TINAG: variants seen among roughly 807,000 people sequenced by gnomAD.
The protein encoded by TINAG is tubulointerstitial nephritis antigen.
Under a neutral mutation model 72.7 loss-of-function variants are expected in TINAG, and 83 were observed. That is an observed-to-expected ratio of 1.14 (90% CI 0.96 to 1.37). The LOEUF is 1.37. TINAG is among the 40% of genes most tolerant of loss of function. The pLI is 0.00. For synonymous variants in TINAG, 234 were observed against 189.9 expected, an observed-to-expected ratio of 1.23 and a Z score of -1.91; for missense variants, 685 against 576.6, an observed-to-expected ratio of 1.19 and a Z score of -1.93.
At chr6:54,364,874 AT>A (rs911265044) in intron 9 of TINAG, among the ~76,000 whole-genome samples, 1 of 151,344 alleles carries the variant, frequency 6.6e-6, no homozygotes, top group African/African-American at 2.4e-5. Context: ...ATTTTAATGT[AT>A]TTTTACCATA....
intron 1 of TINAG, among the ~76,000 whole-genome samples, chr6:54,319,749 A>G (rs182470721): frequency 6.6e-6 from 1 of 152,250 alleles, no homozygotes; most frequent in Admixed American, 6.5e-5. Context: ...ATTTTGTTTA[A>G]TTAGAGGCCA....
intron 4 of TINAG, among the ~76,000 whole-genome samples, chr6:54,327,448 C>T (rs868478177): frequency 6.6e-6 from 1 of 152,150 alleles, no homozygotes; most frequent in African/African-American, 2.4e-5. Flanking sequence ...CCATGGTCTT[C>T]GCAATCCGCA....
chr6:54,315,831 T>C (rs979468824), intron 1 of TINAG, among the ~76,000 whole-genome samples: 1 of 152,192 alleles, frequency 6.6e-6, no homozygotes, highest in Non-Finnish European at 1.5e-5. Flanking sequence ...TGAACAGACC[T>C]AAGTTGATTT....
rs543171752 is a variant in TINAG, at chr6:54,317,578, T to G, written c.356-3001T>G. Among the ~76,000 whole-genome samples, 5 of 152,248 alleles carry G rather than the reference T, an allele frequency of 3.3e-5. No homozygotes were observed. The South Asian group carries it at 1.0e-3, about 32-fold the overall frequency. On this transcript the variant is annotated intron_variant, in intron 1 of 10. Coordinates refer to ENST00000259782, the MANE Select transcript of TINAG (RefSeq NM_014464.4). ...CTCCTCAGCCATGTGGAACTGTGAG[T>G]CTATTAAACCTCTTTCTTTTGTAAA...
upstream of TINAG, chr6:54,308,211 C>G: frequency 7.8e-7 from 1 of 1,279,232 alleles, no homozygotes. Context: ...ATTTAAGAAC[C>G]TAGATTTTTT....
chr6:54,349,176 T>C (rs1196739387), intron 6 of TINAG, among the ~76,000 whole-genome samples: 2 of 151,768 alleles, frequency 1.3e-5, no homozygotes, highest in African/African-American at 4.8e-5. Context: ...TCCCTCAAAG[T>C]ATCACGAACT....
chr6:54,360,557 T>C (rs138723570), intron 9 of TINAG, among the ~76,000 whole-genome samples: 126 of 151,764 alleles, frequency 8.3e-4, no homozygotes, highest in African/African-American at 2.9e-3. Flanking sequence ...TTGCCCTGTG[T>C]CCCTGTCCAT....
At chr6:54,376,791 T>C (rs1439693486) in intron 9 of TINAG, among the ~76,000 whole-genome samples, 1 of 152,118 alleles carries the variant, frequency 6.6e-6, no homozygotes, top group East Asian at 1.9e-4. Context: ...ATAAAGACTT[T>C]TCATATATAT....
intron 2 of TINAG, among the ~76,000 whole-genome samples, chr6:54,320,982 G>T (rs1784477799): frequency 6.6e-6 from 1 of 152,096 alleles, no homozygotes; most frequent in African/African-American, 2.4e-5. Flanking sequence ...AAAACAGGCT[G>T]CTTTAAAAGG....
chr6:54,322,971 T>C (rs1356855941), intron 3 of TINAG, among the ~76,000 whole-genome samples: 2 of 152,184 alleles, frequency 1.3e-5, no homozygotes, highest in Non-Finnish European at 2.9e-5. Flanking sequence ...CATGAGAAAC[T>C]ATAGTCTAAA....
intron 9 of TINAG, 29 bp downstream of exon 9, chr6:54,354,665 T>A (rs1396891585): frequency 1.3e-6 from 2 of 1,598,060 alleles, no homozygotes; most frequent in African/African-American, 2.7e-5. Context: ...ATTCATTTAA[T>A]TCTTTTGGAA....
chr6:54,330,352 A>G (rs1784708305), intron 4 of TINAG, among the ~76,000 whole-genome samples: 1 of 152,250 alleles, frequency 6.6e-6, no homozygotes, highest in Admixed American at 6.5e-5. Context: ...TTCCTGAATG[A>G]CTACTGGGTA....
chr6:54,323,213 T>C (rs1784531163), intron 3 of TINAG, among the ~76,000 whole-genome samples: 1 of 151,786 alleles, frequency 6.6e-6, no homozygotes, highest in South Asian at 2.1e-4. Context: ...TTTAAAAGAG[T>C]AGAAAGTGAA....
rs777567768 is a variant in TINAG at position 54,308,518 on chromosome 6, C to T, written c.-33C>T. 15 of 1,560,982 alleles carry T rather than the reference C, an allele frequency of 9.6e-6. No individual in the cohort carries two copies. Among genetic ancestry groups the T allele is most frequent in the African/African-American group, 5.5e-5 (4 of 73,052 alleles). On this transcript the variant is annotated 5_prime_UTR_variant, in exon 1 of 11. It adds an upstream start codon to the 5' untranslated region. Coordinates refer to ENST00000259782, the MANE Select transcript of TINAG (RefSeq NM_014464.4). The stretch of plus-strand genomic sequence containing the variant: ...ACAAGGCTAAGGGTATTGGATATAA[C>T]GGAAAGTGGAAGCTATACCTGACTT...
intron 9 of TINAG, among the ~76,000 whole-genome samples, chr6:54,359,009 G>A (rs1224680949): frequency 1.3e-5 from 2 of 151,724 alleles, no homozygotes; most frequent in South Asian, 2.1e-4. Flanking sequence ...GGTGAATGCC[G>A]TCTCAGCACC....
At chr6:54,350,029 T>A in intron 7 of TINAG, 133 bp downstream of exon 7, 1 of 569,218 alleles carries the variant, frequency 1.8e-6, no homozygotes, top group Non-Finnish European at 2.4e-6. Context: ...CATGTATAAT[T>A]TTTAATATTT....
At chr6:54,327,077 C>T (rs1784621865) in intron 4 of TINAG, 161 bp downstream of exon 4, 1 of 1,545,524 alleles carries the variant, frequency 6.5e-7, no homozygotes, top group Non-Finnish European at 8.7e-7. Flanking sequence ...GTTGTTAAAC[C>T]CCTCAAAAGT....
At chr6:54,344,198 CA>C (rs1187527175) in intron 5 of TINAG, among the ~76,000 whole-genome samples, 2 of 152,166 alleles carry the variant, frequency 1.3e-5, no homozygotes, top group African/African-American at 4.8e-5. Context: ...ATAGGCTGTT[CA>C]AGAAGCCAGC....
chr6:54,381,002 G>T (rs1763930861), intron 10 of TINAG, among the ~76,000 whole-genome samples: 2 of 140,332 alleles, frequency 1.4e-5, no homozygotes, highest in Non-Finnish European at 3.1e-5. Flanking sequence ...TATTTATATG[G>T]CATATATATT....
Sources: allele counts gnomAD v4.1 joint callset (sites outside exome capture counted in the v4.1 genomes callset), GRCh38; gene constraint gnomAD v4.1.1; transcripts MANE v1.5; gene names NCBI Gene and HGNC (gene_info 2026-07-23, HGNC 2026-07-21).